The following ZDHHC5 variants were observed in gnomAD, a reference collection of about 807,000 sequenced individuals.
ZDHHC5 encodes the protein palmitoyltransferase ZDHHC5.
ZDHHC5 carries 22 observed loss-of-function variants against 70.0 expected under a neutral mutation model. The observed-to-expected ratio is 0.31, with a 90% CI of 0.22 to 0.45. The LOEUF (loss-of-function observed/expected upper bound fraction) is 0.45, where lower values mean the gene tolerates loss of function less well. ZDHHC5 is among the 20% of genes least tolerant of loss of function. The probability of loss-of-function intolerance (pLI) is 1.00; values close to 1 mark genes in which losing one functional copy is unlikely to be tolerated. For synonymous variants in ZDHHC5, 313 were observed against 347.8 expected (o/e 0.90, Z 1.11); for missense variants, 746 against 926.9 (o/e 0.80, Z 2.53).
chr11:57,671,993 T>C, intron 1 of ZDHHC5, 28 bp from the exon 2 acceptor site: 2 of 365,176 alleles, frequency 5.5e-6, no homozygotes, highest in East Asian at 4.0e-5. Context: ...GAAAGAATTC[T>C]CTGATAAAGA....
chr11:57,693,981 C>G, intron 8 of ZDHHC5, 66 bp downstream of exon 8: 1 of 1,503,664 alleles, frequency 6.7e-7, no homozygotes, highest in Non-Finnish European at 8.9e-7. Context: ...GAGACGGAAG[C>G]TTGCTTTAGT....
intron 3 of ZDHHC5, among the ~76,000 whole-genome samples, chr11:57,683,771 C>T (rs1946176181): frequency 6.6e-6 from 1 of 151,960 alleles, no homozygotes; most frequent in South Asian, 2.1e-4. Context: ...CTGATCAGCA[C>T]TGACATTTTT....
At chr11:57,669,877 G>T (rs1945982747) in intron 1 of ZDHHC5, among the ~76,000 whole-genome samples, 1 of 152,188 alleles carries the variant, frequency 6.6e-6, no homozygotes, top group African/African-American at 2.4e-5. Flanking sequence ...CTTTTGCTAA[G>T]AATTGGTTCA....
chr11:57,696,870 C>T lies in ZDHHC5; in HGVS notation c.1119C>T (p.Ala373=), dbSNP rs1490876050. ...TSAAMPHSSS[A]KLSRGDSLKE... is the part of the protein sequence containing the mutation. ...CTGCCATGCCGCATTCCTCCAGCGC[C>T]AAGGTACTGAGTACTCTAAGAGGTG... The change falls in exon 10 of 12, where the codon GCC becomes GCT. Residue 373 remains alanine (A), a synonymous_variant. Transcript: ENST00000287169. 1.9e-6 allele frequency: 3 copies of T among 1,613,514 alleles called. No homozygotes were observed. The highest frequency in any genetic ancestry group is 1.7e-6 in the Non-Finnish European group (2 of 1,179,750).
chr11:57,689,798 C>G (rs1209071081), intron 4 of ZDHHC5, among the ~76,000 whole-genome samples: 1 of 152,026 alleles, frequency 6.6e-6, no homozygotes, highest in Non-Finnish European at 1.5e-5. Context: ...AGCCCCAGCC[C>G]CCCAAGTAGC....
rs1341149184 is a variant in ZDHHC5, at chr11:57,700,612, C to A, written c.*581C>A. On this transcript the variant is annotated 3_prime_UTR_variant, in exon 12 of 12. Transcript: ENST00000287169. ...CAGTTACTAACTACGGAAATAGCATCCTCTGCTGGTGCTAAGTGTGATTAG... is the reference window on the plus strand; with the variant it reads ...CAGTTACTAACTACGGAAATAGCATACTCTGCTGGTGCTAAGTGTGATTAG... The A allele has an allele frequency of 6.6e-6, 1 of 152,436 alleles. No homozygotes were observed. The highest frequency in any genetic ancestry group is 1.5e-5 in the Non-Finnish European group (1 of 68,018). The allele number at this position is 152,436 out of a possible 1,614,324, so 9.4% of individuals were successfully genotyped here.
intron 2 of ZDHHC5, among the ~76,000 whole-genome samples, chr11:57,679,493 CAG>C (rs971508328): frequency 1.2e-4 from 19 of 152,156 alleles, no homozygotes; most frequent in African/African-American, 4.6e-4. Flanking sequence ...GTCTTGAAAA[CAG>C]GAGTGCTGAA....
chr11:57,698,979 C>T lies in ZDHHC5; in HGVS notation c.1543C>T (p.His515Tyr), dbSNP rs1946396791. ...GGCCCAGCAACGGGAAGCTGAGAGG[C>T]ACCCACGTTTGGTGCCAACTGGCCC... is the stretch of plus-strand genomic sequence containing the variant. The part of the protein sequence containing the change: ...RLAQQREAER[H>Y]PRLVPTGPTH... Residue 515 changes from histidine to tyrosine, a missense_variant, in exon 11 of 12, where the codon CAC becomes TAC. By Grantham distance (83) the His-to-Tyr change is moderately conservative. Around this residue, in one of 6 missense-constraint regions of ZDHHC5, gnomAD observed 340 missense variants for 350.1 expected, o/e 0.97. Coordinates refer to ENST00000287169, the MANE Select transcript of ZDHHC5 (RefSeq NM_015457.3). The T allele has an allele frequency of 6.2e-7, 1 of 1,611,470 alleles. No homozygotes were observed. Among genetic ancestry groups the T allele is most frequent in the African/African-American group, 1.3e-5 (1 of 74,934 alleles).
chr11:57,669,575 G>C, intron 1 of ZDHHC5, among the ~76,000 whole-genome samples: 1 of 152,284 alleles, frequency 6.6e-6, no homozygotes, highest in East Asian at 1.9e-4. Flanking sequence ...TCGTGTCTCA[G>C]CCTCCCTAGT....
rs768078038 is a variant in ZDHHC5 at position 57,699,927 on chromosome 11, T to A, written c.2044T>A (p.Ser682Thr). ...CAACGGGCAGCCCAAGAGCTTAGGC[T>A]CAGCCTCCCCTGGCCCAGGCCAGCC... The part of the protein sequence containing the change: ...KSNGQPKSLG[S>T]ASPGPGQPPL... The change falls in exon 12 of 12, where the codon TCA (serine) becomes ACA (threonine). Residue 682 changes from serine (S) to threonine (T), a missense_variant. This residue lies in a region of ZDHHC5 where 340 missense variants were observed against 350.1 expected (regional missense o/e 0.97). Transcript: ENST00000287169. 61 of 1,614,084 alleles carry A rather than the reference T, an allele frequency of 3.8e-5. 1 individual carries two copies. In the East Asian group the frequency reaches 1.3e-3, roughly 35 times the overall value.
chr11:57,693,956 C>T, intron 8 of ZDHHC5, 41 bp downstream of exon 8: 1 of 1,570,606 alleles, frequency 6.4e-7, no homozygotes, highest in East Asian at 2.3e-5. Context: ...ACATGGAAGT[C>T]TCACCCAAGG....
At chr11:57,669,692 CA>C (rs1030443656) in intron 1 of ZDHHC5, among the ~76,000 whole-genome samples, 5 of 152,182 alleles carry the variant, frequency 3.3e-5, no homozygotes, top group African/African-American at 9.7e-5. Context: ...CTCCTGACCT[CA>C]AATGATCCGC....
At chr11:57,670,336 T>C (rs1007707406) in intron 1 of ZDHHC5, among the ~76,000 whole-genome samples, 10 of 152,002 alleles carry the variant, frequency 6.6e-5, no homozygotes, top group African/African-American at 2.4e-4. Context: ...CTGGGTGTGG[T>C]GGTGCCCTCC....
intron 2 of ZDHHC5, among the ~76,000 whole-genome samples, chr11:57,681,925 C>T (rs1946154195): frequency 6.6e-6 from 1 of 152,182 alleles, no homozygotes. Flanking sequence ...ACTTTAGGCA[C>T]TTATGTGGTT....
intron 10 of ZDHHC5, among the ~76,000 whole-genome samples, chr11:57,698,221 T>C (rs1946382995): frequency 6.6e-6 from 1 of 152,046 alleles, no homozygotes. Context: ...GACATTTCAC[T>C]AATTGTTGGC....
chr11:57,680,025 G>A (rs1020201448), intron 2 of ZDHHC5, among the ~76,000 whole-genome samples: 1 of 152,198 alleles, frequency 6.6e-6, no homozygotes, highest in Non-Finnish European at 1.5e-5. Flanking sequence ...CCAGAAGGTT[G>A]TAGGGTAAAG....
intron 3 of ZDHHC5, among the ~76,000 whole-genome samples, chr11:57,687,734 T>C (rs1330561149): frequency 6.8e-6 from 1 of 147,454 alleles, no homozygotes. Context: ...ATTCATAGAG[T>C]AGGGGAAGAC....
intron 3 of ZDHHC5, among the ~76,000 whole-genome samples, chr11:57,687,257 A>T (rs370149753): frequency 2.5e-4 from 37 of 149,816 alleles, no homozygotes; most frequent in African/African-American, 7.6e-4. Context: ...TCCTTCCCAC[A>T]TTTTTTTTTT....
intron 2 of ZDHHC5, among the ~76,000 whole-genome samples, chr11:57,675,501 G>A (rs1946060261): frequency 6.6e-6 from 1 of 152,100 alleles, no homozygotes; most frequent in Admixed American, 6.5e-5. Flanking sequence ...TTAGCTCTAG[G>A]AAAAAGGATT....
Sources: allele counts gnomAD v4.1 joint callset (sites outside exome capture counted in the v4.1 genomes callset), GRCh38; gene constraint gnomAD v4.1.1; regional missense constraint gnomAD v4.1.1; transcripts MANE v1.5; gene names NCBI Gene and HGNC (gene_info 2026-07-23, HGNC 2026-07-21).